WWOX: variants seen among roughly 807,000 people sequenced by gnomAD.
WWOX encodes the protein WW domain-containing oxidoreductase.
WWOX carries 69 observed loss-of-function variants against 46.2 expected under a neutral mutation model. The observed-to-expected ratio is 1.49, with a 90% CI of 1.23 to 1.82. The LOEUF (loss-of-function observed/expected upper bound fraction) is 1.82. WWOX is among the 40% of genes most tolerant of loss of function. The pLI is 0.00. For missense variants in WWOX, 919 were observed against 542.6 expected, an observed-to-expected ratio of 1.69 and a Z score of -6.89; for synonymous variants, 359 against 202.6, an observed-to-expected ratio of 1.77 and a Z score of -6.56.
intron 8 of WWOX, among the ~76,000 whole-genome samples, chr16:78,584,531 C>G (rs368316844): frequency 1.3e-5 from 2 of 152,106 alleles, no homozygotes; most frequent in African/African-American, 4.8e-5. Flanking sequence ...TAACGGGAGC[C>G]CATTATAAGT....
At chr16:78,698,226 C>T (rs542282512) in intron 8 of WWOX, among the ~76,000 whole-genome samples, 28 of 152,184 alleles carry the variant, frequency 1.8e-4, no homozygotes, top group Admixed American at 1.0e-3. Context: ...AGTTTGGATT[C>T]GGGCACTGGT....
intron 3 of WWOX, among the ~76,000 whole-genome samples, chr16:78,113,764 C>G (rs1002748025): frequency 6.6e-6 from 1 of 152,150 alleles, no homozygotes; most frequent in African/African-American, 2.4e-5. Context: ...TTGAGCCAGT[C>G]TAGCATAGAA....
chr16:78,374,782 C>A (rs997378810), intron 5 of WWOX, among the ~76,000 whole-genome samples: 1 of 151,952 alleles, frequency 6.6e-6, no homozygotes, highest in Non-Finnish European at 1.5e-5. Flanking sequence ...GATCTCCTGA[C>A]CTTGTGGTCC....
At chr16:78,600,315 AAG>A (rs1169034072) in intron 8 of WWOX, among the ~76,000 whole-genome samples, 5 of 152,066 alleles carry the variant, frequency 3.3e-5, no homozygotes, top group African/African-American at 9.7e-5. Flanking sequence ...TACCGTAAAT[AAG>A]AGAAACAGAC....
At chr16:78,825,937 T>C in intron 8 of WWOX, 1 of 811,310 alleles carries the variant, frequency 1.2e-6, no homozygotes, top group Non-Finnish European at 2.0e-6. Flanking sequence ...TGCCCACCAC[T>C]CCCATCTCAG....
chr16:79,013,912 G>A (rs1219064659), intron 8 of WWOX, among the ~76,000 whole-genome samples: 2 of 152,100 alleles, frequency 1.3e-5, no homozygotes, highest in South Asian at 2.1e-4. Context: ...CGGGTCCAGC[G>A]ACAAGAACAC....
intron 8 of WWOX, among the ~76,000 whole-genome samples, chr16:78,500,473 G>A (rs1274320716): frequency 2.0e-5 from 3 of 147,048 alleles, no homozygotes; most frequent in Non-Finnish European, 4.5e-5. Flanking sequence ...TTTTTAGATC[G>A]CTGCATGCTG....
At chr16:78,810,532 A>G (rs78825413) in intron 8 of WWOX, among the ~76,000 whole-genome samples, 8,851 of 152,354 alleles carry the variant, frequency 0.058, 253 homozygotes, top group Admixed American at 0.068. Flanking sequence ...TGTTAACAAA[A>G]TAAATTAATA....
At chr16:78,237,596 A>G (rs1331563185) in intron 5 of WWOX, 1 of 152,184 alleles carries the variant, frequency 6.6e-6, no homozygotes, top group Non-Finnish European at 1.5e-5. Context: ...ACCAGCAGTC[A>G]CAAGCTCCTG....
chr16:78,627,963 T>C (rs551200559), intron 8 of WWOX, among the ~76,000 whole-genome samples: 1 of 152,350 alleles, frequency 6.6e-6, no homozygotes, highest in South Asian at 2.1e-4. Context: ...GAGAGCTCTG[T>C]TGACAAACTG....
At chr16:78,422,774 C>G (rs570772450) in intron 6 of WWOX, among the ~76,000 whole-genome samples, 1 of 113,842 alleles carries the variant, frequency 8.8e-6, no homozygotes, top group African/African-American at 5.1e-5. Context: ...TATATACACA[C>G]ATATATATAT....
intron 6 of WWOX, among the ~76,000 whole-genome samples, chr16:78,412,457 G>T (rs72628247): frequency 1.3e-5 from 2 of 152,160 alleles, no homozygotes; most frequent in South Asian, 2.1e-4. Flanking sequence ...GATTTTGTTC[G>T]GAGTCATGGA....
chr16:78,814,387 A>C (rs1310065391), intron 8 of WWOX, among the ~76,000 whole-genome samples: 3 of 152,144 alleles, frequency 2.0e-5, no homozygotes, highest in Non-Finnish European at 4.4e-5. Context: ...AAAATACTAT[A>C]TGTTAAAAAA....
At chr16:79,139,630 A>G (rs1156541607) in intron 8 of WWOX, among the ~76,000 whole-genome samples, 1 of 151,262 alleles carries the variant, frequency 6.6e-6, no homozygotes, top group Non-Finnish European at 1.5e-5. Flanking sequence ...TTTAAGGATC[A>G]CAGAAGAAAA....
intron 8 of WWOX, among the ~76,000 whole-genome samples, chr16:78,914,165 A>T (rs544493245): frequency 6.6e-6 from 1 of 152,048 alleles, no homozygotes; most frequent in East Asian, 1.9e-4. Flanking sequence ...CAATTTCTCT[A>T]TCCCATAACT....
chr16:78,263,466 T>A (rs2079289843), intron 5 of WWOX, among the ~76,000 whole-genome samples: 1 of 152,046 alleles, frequency 6.6e-6, no homozygotes, highest in African/African-American at 2.4e-5. Flanking sequence ...GAGAAGGGGA[T>A]ATAAGTGCAG....
intron 8 of WWOX, among the ~76,000 whole-genome samples, chr16:78,461,034 A>G (rs1480189875): frequency 6.6e-6 from 1 of 152,228 alleles, no homozygotes; most frequent in African/African-American, 2.4e-5. Context: ...GACATCTGAC[A>G]CAGTGTTGGT....
At chr16:78,182,264 C>T (rs755850112) in intron 5 of WWOX, among the ~76,000 whole-genome samples, 19 of 152,124 alleles carry the variant, frequency 1.2e-4, no homozygotes, top group East Asian at 3.9e-4. Flanking sequence ...CGAGTACTTG[C>T]GGTGGTACCT....
At chr16:79,149,922 C>T (rs568633121) in intron 8 of WWOX, among the ~76,000 whole-genome samples, 36 of 152,330 alleles carry the variant, frequency 2.4e-4, no homozygotes, top group African/African-American at 8.2e-4. Flanking sequence ...CCCACCCATC[C>T]ACATCACTGA....
Sources: allele counts gnomAD v4.1 joint callset (sites outside exome capture counted in the v4.1 genomes callset), GRCh38; gene constraint gnomAD v4.1.1; transcripts MANE v1.5; gene names NCBI Gene and HGNC (gene_info 2026-07-23, HGNC 2026-07-21).